CREB5: variants seen among roughly 807,000 people sequenced by gnomAD.
CREB5 encodes cAMP responsive element binding protein 5.
Under a neutral mutation model 57.1 loss-of-function variants are expected in CREB5, and 19 were observed. The observed-to-expected ratio is 0.33, with a 90% CI of 0.23 to 0.49. The LOEUF (loss-of-function observed/expected upper bound fraction) is 0.49, where lower values mean the gene tolerates loss of function less well. Among genes scored for constraint, CREB5 ranks in the 20% least tolerant of loss-of-function variants. The pLI is 0.99. For missense variants in CREB5, 579 were observed against 671.6 expected (o/e 0.86, Z 1.52); for synonymous variants, 238 against 238.3 (o/e 1.00, Z 0.01).
At chr7:28,612,069 C>T (rs1447664403) in intron 5 of CREB5, among the ~76,000 whole-genome samples, 1 of 152,164 alleles carries the variant, frequency 6.6e-6, no homozygotes, top group Non-Finnish European at 1.5e-5. Context: ...GCCAGGAAAG[C>T]TGTTCTAGAA....
At chr7:28,594,449 G>T (rs2128665967) in intron 5 of CREB5, among the ~76,000 whole-genome samples, 1 of 151,540 alleles carries the variant, frequency 6.6e-6, no homozygotes, top group African/African-American at 2.4e-5. Flanking sequence ...ATAAATATAG[G>T]CTGCCTAGTC....
intron 1 of CREB5, among the ~76,000 whole-genome samples, chr7:28,458,646 A>G (rs948122578): frequency 2.0e-5 from 3 of 152,218 alleles, no homozygotes; most frequent in Non-Finnish European, 4.4e-5. Flanking sequence ...CTGTGGTTTC[A>G]GACAGACCTG....
chr7:28,322,597 G>GC (rs1450171038), intron 1 of CREB5, among the ~76,000 whole-genome samples: 21 of 129,890 alleles, frequency 1.6e-4, no homozygotes, highest in African/African-American at 5.8e-4. Flanking sequence ...CCCTCCCCCA[G>GC]CCCCCCACTC....
At chr7:28,561,013 TGTGC>T (rs1562798552) in intron 4 of CREB5, among the ~76,000 whole-genome samples, 6 of 40,542 alleles carry the variant, frequency 1.5e-4, no homozygotes, top group African/African-American at 3.9e-4. Context: ...TGCGTGTGTG[TGTGC>T]GTGTGTGCGT....
intron 9 of CREB5, among the ~76,000 whole-genome samples, chr7:28,815,787 G>C (rs1346306253): frequency 6.6e-6 from 1 of 152,094 alleles, no homozygotes; most frequent in African/African-American, 2.4e-5. Context: ...CCACAGGCAG[G>C]GGTGTTTTTT....
In CREB5 at chr7:28,718,765, C is replaced by T. The variant is rs762401459; in HGVS notation, c.477C>T (p.Gly159=). 19 of 1,614,020 alleles carry T rather than the reference C, an allele frequency of 1.2e-5. No individual in the cohort carries two copies. In the South Asian group the frequency reaches 2.1e-4, roughly 18 times the overall value. The change falls in exon 6 of 11, where the codon GGC becomes GGT. Residue 159 remains glycine (G), a synonymous_variant. Transcript: ENST00000357727. Reference sequence around the variant, plus strand: ...TTCTTTGTCCCAGGCCTGTCCCAGGCTCTCTATCTTCTCTGCTACATCTCC... The same window carrying T: ...TTCTTTGTCCCAGGCCTGTCCCAGGTTCTCTATCTTCTCTGCTACATCTCC... ...STNRQIGPVP[G]SLSSLLHLHN...
chr7:28,506,841 C>CTTTATAATATATA (rs1792499594), intron 3 of CREB5, among the ~76,000 whole-genome samples: 3 of 152,338 alleles, frequency 2.0e-5, no homozygotes, highest in Admixed American at 2.0e-4. Context: ...ACTTTATAAA[C>CTTTATAATATATA]TGCAAATGCT....
intron 5 of CREB5, among the ~76,000 whole-genome samples, chr7:28,646,065 C>T (rs562824988): frequency 1.2e-3 from 188 of 152,304 alleles, no homozygotes; most frequent in African/African-American, 3.8e-3. Flanking sequence ...TAGAACTACA[C>T]CACCAGCATT....
chr7:28,328,831 G>A lies in CREB5; in HGVS notation c.-25+29390G>A, dbSNP rs150949033. On this transcript the variant is annotated intron_variant, in intron 1 of 9. Transcript: ENST00000396299. ...CGGCTGGCAAAATTCAGCTATGATGGGTCAAACTTTGAAAACCACGGCTTA... is the reference window on the plus strand; with the variant it reads ...CGGCTGGCAAAATTCAGCTATGATGAGTCAAACTTTGAAAACCACGGCTTA... Among the ~76,000 whole-genome samples the A allele has an allele frequency of 3.2e-3, 485 of 152,226 alleles. 3 individuals carry two copies. Among genetic ancestry groups the A allele is most frequent in the African/African-American group, 0.011 (450 of 41,536 alleles).
intron 7 of CREB5, among the ~76,000 whole-genome samples, chr7:28,764,061 C>T (rs1362099192): frequency 1.3e-5 from 2 of 152,096 alleles, no homozygotes; most frequent in African/African-American, 4.8e-5. Context: ...TTTTGGTCTC[C>T]TAAAGCACCA....
intron 1 of CREB5, among the ~76,000 whole-genome samples, chr7:28,365,401 C>CGG (rs1786566218): frequency 6.6e-6 from 1 of 152,084 alleles, no homozygotes; most frequent in South Asian, 2.1e-4. Context: ...CCTTTGCTCC[C>CGG]GGAATTATCA....
intron 5 of CREB5, among the ~76,000 whole-genome samples, chr7:28,605,188 C>A (rs752932169): frequency 6.6e-6 from 1 of 152,158 alleles, no homozygotes; most frequent in Non-Finnish European, 1.5e-5. Flanking sequence ...GATACCTTTG[C>A]CTGGTTCTGA....
rs7779707 is a variant in CREB5 at position 28,477,220 on chromosome 7, C to G, written c.4-10955C>G. ...CCCTGAAGCAGTTTGTGAACAATAC[C>G]CCATCAAGGGCAGCCACAATTTCCC... On this transcript the variant is annotated intron_variant, in intron 1 of 10. Transcript: ENST00000357727. Among the ~76,000 whole-genome samples the G allele has an allele frequency of 5.6e-3, 849 of 152,282 alleles. 9 individuals are homozygous for G. The highest frequency in any genetic ancestry group is 0.019 in the African/African-American group (788 of 41,550).
At chr7:28,630,105 G>C (rs1269103805) in intron 5 of CREB5, among the ~76,000 whole-genome samples, 1 of 152,168 alleles carries the variant, frequency 6.6e-6, no homozygotes, top group Non-Finnish European at 1.5e-5. Flanking sequence ...TGGACAGCCT[G>C]AACTGTTCCT....
At chr7:28,440,202 C>T (rs1789128358) in intron 1 of CREB5, among the ~76,000 whole-genome samples, 1 of 152,168 alleles carries the variant, frequency 6.6e-6, no homozygotes, top group African/African-American at 2.4e-5. Context: ...ATCCATGTCG[C>T]ACTCCAGTCC....
intron 1 of CREB5, among the ~76,000 whole-genome samples, chr7:28,370,991 C>T (rs1019373099): frequency 6.6e-6 from 1 of 152,168 alleles, no homozygotes; most frequent in Non-Finnish European, 1.5e-5. Flanking sequence ...TGAGTTCTTC[C>T]CTAGACTGAA....
intron 1 of CREB5, among the ~76,000 whole-genome samples, chr7:28,415,311 C>A (rs1452381309): frequency 1.3e-5 from 2 of 152,158 alleles, no homozygotes; most frequent in African/African-American, 4.8e-5. Context: ...AGACCCCTGG[C>A]TCACCCAAGG....
chr7:28,738,861 C>G (rs1804182448), intron 7 of CREB5, among the ~76,000 whole-genome samples: 1 of 152,196 alleles, frequency 6.6e-6, no homozygotes. Context: ...CTCTAGCCGT[C>G]CACTGAGCAA....
At chr7:28,327,323 A>G (rs1387371627) in intron 1 of CREB5, among the ~76,000 whole-genome samples, 1 of 152,126 alleles carries the variant, frequency 6.6e-6, no homozygotes, top group African/African-American at 2.4e-5. Context: ...CCAACCCATG[A>G]ATCTGCATTT....
Sources: gnomAD v4.1 joint callset for allele counts (sites outside exome capture counted in the v4.1 genomes callset) on GRCh38, gnomAD v4.1.1 for gene constraint, MANE v1.5 for transcripts, NCBI Gene and HGNC (gene_info 2026-07-23, HGNC 2026-07-21) for gene names.